Variants in DLC1 observed in about 807,000 individuals in gnomAD.
DLC1 encodes rho GTPase-activating protein 7.
In DLC1, 54 loss-of-function variants were observed where a neutral mutation model predicts 140.3. That is an observed-to-expected ratio of 0.38 (90% CI 0.31 to 0.48). The LOEUF (loss-of-function observed/expected upper bound fraction) is 0.48, where lower values mean the gene tolerates loss of function less well. Ranked by LOEUF, DLC1 falls within the 20% of genes least tolerant of loss-of-function variation. The pLI is 0.96. For synonymous variants in DLC1, 986 were observed against 728.1 expected, an observed-to-expected ratio of 1.35 and a Z score of -5.70; for missense variants, 2,536 against 1,907.0, an observed-to-expected ratio of 1.33 and a Z score of -6.14.
chr8:13,519,463 C>T (rs1049432074), upstream of DLC1, among the ~76,000 whole-genome samples: 3 of 152,106 alleles, frequency 2.0e-5, no homozygotes, highest in Non-Finnish European at 4.4e-5. Context: ...CTTTTGTAGA[C>T]ACATCCAGAC....
At chr8:13,153,956 C>T (rs918771175) in intron 5 of DLC1, among the ~76,000 whole-genome samples, 80 of 152,268 alleles carry the variant, frequency 5.3e-4, no homozygotes, top group African/African-American at 1.8e-3. Context: ...GTTTACAAAC[C>T]TTGAGCTAGA....
intron 1 of DLC1, among the ~76,000 whole-genome samples, chr8:13,596,926 G>A (rs1179713954): frequency 6.6e-6 from 1 of 151,822 alleles, no homozygotes; most frequent in South Asian, 2.1e-4. Flanking sequence ...GTGTGGATCA[G>A]AATGCTTTCA....
chr8:13,357,740 T>A, intron 4 of DLC1, among the ~76,000 whole-genome samples: 1 of 152,338 alleles, frequency 6.6e-6, no homozygotes, highest in South Asian at 2.1e-4. Context: ...AGTTGAGATA[T>A]GTTTGCAATA....
At chr8:13,441,570 C>G (rs1364860236) in intron 2 of DLC1, among the ~76,000 whole-genome samples, 2 of 151,982 alleles carry the variant, frequency 1.3e-5, no homozygotes, top group Non-Finnish European at 2.9e-5. Flanking sequence ...CAATAACAGA[C>G]AAACAGAGAG....
At chr8:13,594,351 A>G (rs1388176310) in intron 1 of DLC1, among the ~76,000 whole-genome samples, 2 of 152,088 alleles carry the variant, frequency 1.3e-5, no homozygotes, top group African/African-American at 4.8e-5. Context: ...GTATCAGTTC[A>G]GAAGAGTTTT....
intron 5 of DLC1, among the ~76,000 whole-genome samples, chr8:13,141,078 A>C (rs1303731604): frequency 6.6e-6 from 1 of 151,938 alleles, no homozygotes; most frequent in Non-Finnish European, 1.5e-5. Flanking sequence ...AACATGGAGG[A>C]ATCCCCATCA....
intron 2 of DLC1, among the ~76,000 whole-genome samples, chr8:13,429,591 C>CA (rs1342613488): frequency 6.6e-6 from 1 of 151,950 alleles, no homozygotes; most frequent in Non-Finnish European, 1.5e-5. Flanking sequence ...GCAGTGAAAG[C>CA]AAAAAAGGGA....
chr8:13,383,447 G>C (rs1836364953), intron 4 of DLC1, among the ~76,000 whole-genome samples: 1 of 152,160 alleles, frequency 6.6e-6, no homozygotes, highest in African/African-American at 2.4e-5. Flanking sequence ...ATCTGCACCT[G>C]GATCTGATTT....
At chr8:13,095,793 C>T (rs477294) in intron 10 of DLC1, 5 of 153,964 alleles carry the variant, frequency 3.2e-5, no homozygotes, top group African/African-American at 1.2e-4. Context: ...CATTTAGGGT[C>T]AAAAGGCGCA....
chr8:13,333,394 T>TTTTG (rs1037964012), intron 4 of DLC1, among the ~76,000 whole-genome samples: 1 of 112,932 alleles, frequency 8.9e-6, no homozygotes, highest in Non-Finnish European at 1.9e-5. Flanking sequence ...CCTGGCTGAT[T>TTTTG]TTTGTTTGTT....
intron 5 of DLC1, among the ~76,000 whole-genome samples, chr8:13,282,864 T>C (rs1020289051): frequency 3.3e-5 from 5 of 152,200 alleles, no homozygotes; most frequent in African/African-American, 1.2e-4. Context: ...CCCCTTGCTG[T>C]TTCTAAATTA....
At chr8:13,351,691 A>C (rs1834671567) in intron 4 of DLC1, among the ~76,000 whole-genome samples, 1 of 152,178 alleles carries the variant, frequency 6.6e-6, no homozygotes, top group South Asian at 2.1e-4. Flanking sequence ...CAGAGACTGG[A>C]GAGCCCACAG....
intron 7 of DLC1, among the ~76,000 whole-genome samples, chr8:13,103,521 G>C (rs1173731969): frequency 1.3e-5 from 2 of 151,664 alleles, no homozygotes; most frequent in East Asian, 3.9e-4. Flanking sequence ...AGCCATTATG[G>C]ACTGCCGCAC....
Position 13,086,411 on chromosome 8 carries a change from C to T in DLC1, c.4345G>A (p.Val1449Met). ...KGACALLLTS[V>M]DHDRAPVVGV... The stretch of plus-strand genomic sequence containing the variant: ...ACCACAGGTGCGCGATCGTGATCCA[C>T]AGAGGTTAGTAAAAGGGCACAGGCT... Residue 1449 changes from valine to methionine, a missense_variant, in exon 17 of 18, where the codon GTG becomes ATG. By Grantham distance (21) the Val-to-Met change is conservative. Transcript: ENST00000276297. The T allele has an allele frequency of 6.2e-7, 1 of 1,614,226 alleles. No homozygotes were observed.
intron 5 of DLC1, among the ~76,000 whole-genome samples, chr8:13,155,987 G>C (rs1824221964): frequency 6.6e-6 from 1 of 151,908 alleles, no homozygotes; most frequent in Non-Finnish European, 1.5e-5. Context: ...AAAAAAATCT[G>C]TTCTTTAAAT....
intron 4 of DLC1, among the ~76,000 whole-genome samples, chr8:13,364,551 C>T (rs191183618): frequency 3.3e-5 from 5 of 152,286 alleles, no homozygotes. Flanking sequence ...CCCGCCTTGG[C>T]CTTCCAAAGT....
At chr8:13,486,023 CT>C (rs1237735528) in intron 2 of DLC1, among the ~76,000 whole-genome samples, 2 of 152,180 alleles carry the variant, frequency 1.3e-5, no homozygotes, top group Admixed American at 6.5e-5. Context: ...GTTTGAAATA[CT>C]TTTCAGCTTG....
At chr8:13,383,518 T>C (rs1836368160) in intron 4 of DLC1, among the ~76,000 whole-genome samples, 1 of 152,210 alleles carries the variant, frequency 6.6e-6, no homozygotes, top group South Asian at 2.1e-4. Context: ...TGGAGCAGGC[T>C]AGTGCTTTTG....
intron 5 of DLC1, among the ~76,000 whole-genome samples, chr8:13,275,349 A>G (rs1408398851): frequency 6.6e-6 from 1 of 152,252 alleles, no homozygotes; most frequent in African/African-American, 2.4e-5. Context: ...ATTGACTCTT[A>G]GAGGCCACCT....
Sources: allele counts gnomAD v4.1 joint callset (sites outside exome capture counted in the v4.1 genomes callset), GRCh38; gene constraint gnomAD v4.1.1; transcripts MANE v1.5; gene names NCBI Gene and HGNC (gene_info 2026-07-23, HGNC 2026-07-21).